The following DISC1 variants were observed in gnomAD, a reference collection of about 807,000 sequenced individuals.
DISC1 encodes DISC1 scaffold protein.
Under a neutral mutation model 84.5 loss-of-function variants are expected in DISC1, and 57 were observed. That is an observed-to-expected ratio of 0.67 (90% CI 0.55 to 0.84). The LOEUF is 0.84. Among genes scored for constraint, DISC1 ranks in the 40% least tolerant of loss-of-function variants. The pLI, the probability that DISC1 is intolerant of heterozygous loss-of-function variation, is 0.00. For synonymous variants in DISC1, 411 were observed against 415.2 expected, an observed-to-expected ratio of 0.99 and a Z score of 0.12; for missense variants, 1,000 against 1,057.8, an observed-to-expected ratio of 0.95 and a Z score of 0.76.
At chr1:231,969,492 G>A (rs1017762696) in intron 10 of DISC1, among the ~76,000 whole-genome samples, 20 of 151,750 alleles carry the variant, frequency 1.3e-4, no homozygotes, top group Non-Finnish European at 4.4e-5. Flanking sequence ...GAGCTCCAAG[G>A]CCCCTCCTCT....
chr1:231,940,706 C>A (rs1375545649), intron 9 of DISC1, among the ~76,000 whole-genome samples: 1 of 152,184 alleles, frequency 6.6e-6, no homozygotes, highest in Non-Finnish European at 1.5e-5. Flanking sequence ...TCATTGTAAG[C>A]TGTTAGAGAT....
At chr1:231,962,587 G>T (rs1017835143) in intron 10 of DISC1, among the ~76,000 whole-genome samples, 1 of 152,156 alleles carries the variant, frequency 6.6e-6, no homozygotes, top group Admixed American at 6.5e-5. Flanking sequence ...CAAGGTGCCG[G>T]TATAAAAGCT....
chr1:232,004,977 C>T (rs546869050), intron 10 of DISC1, among the ~76,000 whole-genome samples: 23,880 of 105,908 alleles, frequency 0.23, 4,027 homozygotes, highest in African/African-American at 0.31. Flanking sequence ...TCTTCCCTTC[C>T]TTCCATCCTT....
At chr1:231,887,679 T>C (rs200119322) in intron 9 of DISC1, among the ~76,000 whole-genome samples, 18 of 152,224 alleles carry the variant, frequency 1.2e-4, no homozygotes, top group Non-Finnish European at 2.2e-4. Context: ...GTTTAAAACA[T>C]GGGATTATTT....
chr1:232,022,874 G>A (rs750567819), intron 11 of DISC1, among the ~76,000 whole-genome samples: 14 of 152,156 alleles, frequency 9.2e-5, no homozygotes, highest in Non-Finnish European at 1.9e-4. Flanking sequence ...AACAAGTAGA[G>A]GTTCCTGCAC....
At chr1:231,795,183 G>A (rs979257434) in intron 6 of DISC1, 59 bp from the exon 7 acceptor site, 30 of 1,509,010 alleles carry the variant, frequency 2.0e-5, no homozygotes, top group Non-Finnish European at 2.7e-5. Context: ...GTTCCTAACT[G>A]TAGTGGTATT....
chr1:231,961,965 A>G (rs1660447151), intron 10 of DISC1, among the ~76,000 whole-genome samples: 1 of 152,242 alleles, frequency 6.6e-6, no homozygotes, highest in Admixed American at 6.5e-5. Context: ...AACTGCTTCT[A>G]CAGTGACTGA....
At chr1:231,840,200 G>A (rs1207169505) in intron 9 of DISC1, among the ~76,000 whole-genome samples, 1 of 152,162 alleles carries the variant, frequency 6.6e-6, no homozygotes, top group African/African-American at 2.4e-5. Flanking sequence ...TGTCAGTATC[G>A]CAGGTGGGGT....
intron 6 of DISC1, among the ~76,000 whole-genome samples, chr1:231,774,153 C>G (rs985241812): frequency 6.6e-6 from 1 of 151,966 alleles, no homozygotes; most frequent in Non-Finnish European, 1.5e-5. Context: ...ACTCGGGAGG[C>G]TGAGGCAGGA....
chr1:231,686,615 G>A (rs1416234802), intron 1 of DISC1, among the ~76,000 whole-genome samples: 2 of 152,194 alleles, frequency 1.3e-5, no homozygotes, highest in African/African-American at 4.8e-5. Flanking sequence ...TGATGGGAGG[G>A]GCTGTTGTGA....
chr1:231,917,464 G>A (rs1433559414), intron 9 of DISC1, among the ~76,000 whole-genome samples: 1 of 152,220 alleles, frequency 6.6e-6, no homozygotes, highest in Non-Finnish European at 1.5e-5. Context: ...GATGCTTTAT[G>A]TAGTATCAAT....
intron 10 of DISC1, among the ~76,000 whole-genome samples, chr1:231,995,352 T>A (rs1281688008): frequency 6.6e-6 from 1 of 151,944 alleles, no homozygotes; most frequent in Non-Finnish European, 1.5e-5. Context: ...ATTTTATTAT[T>A]ATTATACTTT....
At chr1:231,935,064 A>T (rs755952587) in intron 9 of DISC1, among the ~76,000 whole-genome samples, 2 of 152,214 alleles carry the variant, frequency 1.3e-5, no homozygotes, top group Non-Finnish European at 2.9e-5. Flanking sequence ...ACAACGAAGG[A>T]TTGTGTTAAA....
chr1:231,958,412 A>C (rs1164027966), intron 9 of DISC1, among the ~76,000 whole-genome samples: 1 of 152,170 alleles, frequency 6.6e-6, no homozygotes, highest in Non-Finnish European at 1.5e-5. Context: ...CTCTACCCCT[A>C]GTGTGGCTCT....
At chr1:231,796,619 C>T (rs200822526) in intron 7 of DISC1, among the ~76,000 whole-genome samples, 2 of 152,100 alleles carry the variant, frequency 1.3e-5, no homozygotes, top group Non-Finnish European at 2.9e-5. Context: ...GTCACAGAGC[C>T]GCAGGTTTGA....
intron 6 of DISC1, among the ~76,000 whole-genome samples, chr1:231,773,080 CTGA>C (rs2076678691): frequency 6.6e-6 from 1 of 152,182 alleles, no homozygotes; most frequent in Non-Finnish European, 1.5e-5. Flanking sequence ...GAAAGTTTCC[CTGA>C]TGATGTAGCT....
Position 231,653,789 on chromosome 1 carries a change from C to G in DISC1, c.67+26855C>G, listed in dbSNP as rs73113430. 9.3e-4 allele frequency among the ~76,000 whole-genome samples: 141 copies of G among 152,288 alleles called. 1 individual carries two copies. Among genetic ancestry groups the G allele is most frequent in the African/African-American group, 3.2e-3 (134 of 41,564 alleles). On this transcript the variant is annotated intron_variant, in intron 1 of 12. Transcript: ENST00000439617. Reference sequence around the variant, plus strand: ...TGATGTGCTGTCTTCCCCATCACATCTAAATGAGGATCCTTGTGGTTTGAT... The same window carrying G: ...TGATGTGCTGTCTTCCCCATCACATGTAAATGAGGATCCTTGTGGTTTGAT...
chr1:232,000,799 A>G (rs1484271606), intron 10 of DISC1, among the ~76,000 whole-genome samples: 4 of 152,240 alleles, frequency 2.6e-5, no homozygotes, highest in East Asian at 1.9e-4. Flanking sequence ...TCAAATGATA[A>G]TAGAAAAGAA....
intron 6 of DISC1, among the ~76,000 whole-genome samples, chr1:231,794,249 CTT>C (rs5781669): frequency 2.7e-5 from 4 of 149,774 alleles, no homozygotes; most frequent in Admixed American, 6.7e-5. Flanking sequence ...ATTTCATTCT[CTT>C]TTTTTTTTTC....
Sources: allele counts gnomAD v4.1 joint callset (sites outside exome capture counted in the v4.1 genomes callset), GRCh38; gene constraint gnomAD v4.1.1; transcripts MANE v1.5; gene names NCBI Gene and HGNC (gene_info 2026-07-23, HGNC 2026-07-21).